Variants in RASGRF2 observed in about 807,000 individuals in gnomAD.
The protein encoded by RASGRF2 is ras-specific guanine nucleotide-releasing factor 2.
A neutral mutation model predicts 151.0 loss-of-function variants in RASGRF2; 76 were observed. The observed-to-expected ratio is 0.50, with a 90% CI of 0.42 to 0.61. The LOEUF (loss-of-function observed/expected upper bound fraction) is 0.61. RASGRF2 is among the 20% of genes least tolerant of loss of function. The pLI is 0.00. For synonymous variants in RASGRF2, 504 were observed against 566.5 expected, an observed-to-expected ratio of 0.89 and a Z score of 1.57; for missense variants, 1,148 against 1,564.6, an observed-to-expected ratio of 0.73 and a Z score of 4.49.
In RASGRF2 at chr5:81,229,775, T is replaced by C. The variant is rs1481098768; in HGVS notation, c.*4005T>C. On this transcript the variant is annotated 3_prime_UTR_variant, in exon 27 of 27. Coordinates refer to ENST00000265080, the MANE Select transcript of RASGRF2 (RefSeq NM_006909.3). ...CTCCAACTGGAAAACCTTAGGCTGGTGTTTACACATCCCTGAGCCTCAGTT... is the reference window on the plus strand; with the variant it reads ...CTCCAACTGGAAAACCTTAGGCTGGCGTTTACACATCCCTGAGCCTCAGTT... The C allele has an allele frequency of 6.6e-6, 1 of 152,254 alleles. No homozygotes were observed. Among genetic ancestry groups the C allele is most frequent in the African/African-American group, 2.4e-5 (1 of 41,458 alleles). The allele number at this position is 152,254 out of a possible 1,614,324, so 9.4% of individuals were successfully genotyped here.
chr5:81,218,359 T>C (rs571032067), intron 25 of RASGRF2, among the ~76,000 whole-genome samples: 1 of 152,350 alleles, frequency 6.6e-6, no homozygotes, highest in South Asian at 2.1e-4. Context: ...TAATCTATCT[T>C]GAGTTGATTT....
intron 1 of RASGRF2, among the ~76,000 whole-genome samples, chr5:81,039,617 G>C (rs1185233186): frequency 1.3e-5 from 2 of 152,020 alleles, no homozygotes; most frequent in Non-Finnish European, 2.9e-5. Flanking sequence ...AAACAATATA[G>C]AGCATATACA....
At chr5:81,084,765 T>C (rs533338586) in intron 7 of RASGRF2, among the ~76,000 whole-genome samples, 22 of 152,326 alleles carry the variant, frequency 1.4e-4, no homozygotes, top group Admixed American at 1.4e-3. Context: ...AAAGCTGTTG[T>C]AGTTTCTTCA....
chr5:81,063,184 G>A (rs1011586002), intron 2 of RASGRF2, among the ~76,000 whole-genome samples: 2 of 152,028 alleles, frequency 1.3e-5, no homozygotes, highest in African/African-American at 2.4e-5. Flanking sequence ...CATTTATCTT[G>A]TCTGGTATTT....
chr5:81,176,425 G>T (rs189633591), intron 17 of RASGRF2, among the ~76,000 whole-genome samples: 1 of 152,152 alleles, frequency 6.6e-6, no homozygotes, highest in East Asian at 1.9e-4. Context: ...CATAATCCGG[G>T]AGAATCTATT....
At chr5:81,170,074 C>T (rs1217757896) in intron 17 of RASGRF2, among the ~76,000 whole-genome samples, 1 of 142,940 alleles carries the variant, frequency 7.0e-6, no homozygotes, top group Non-Finnish European at 1.5e-5. Context: ...TGTTATCATC[C>T]ACACCACCTG....
At chr5:80,968,996 A>G (rs768705895) in intron 1 of RASGRF2, among the ~76,000 whole-genome samples, 43 of 151,912 alleles carry the variant, frequency 2.8e-4, no homozygotes, top group Non-Finnish European at 5.9e-4. Context: ...AATGAATTGC[A>G]TAACCATGAT....
intron 1 of RASGRF2, among the ~76,000 whole-genome samples, chr5:80,970,409 T>A (rs1317730037): frequency 6.6e-6 from 1 of 152,134 alleles, no homozygotes; most frequent in Non-Finnish European, 1.5e-5. Context: ...AGGGGAACAG[T>A]GGGAATATTA....
chr5:81,072,338 G>A (rs1192427808), intron 4 of RASGRF2, among the ~76,000 whole-genome samples: 2 of 152,168 alleles, frequency 1.3e-5, no homozygotes, highest in African/African-American at 2.4e-5. Context: ...ACATGGTGAC[G>A]ACACTGGTAG....
At chr5:81,025,809 A>G (rs1260564108) in intron 1 of RASGRF2, among the ~76,000 whole-genome samples, 1 of 152,170 alleles carries the variant, frequency 6.6e-6, no homozygotes, top group Non-Finnish European at 1.5e-5. Context: ...ACTGGAGGGA[A>G]AGGATCTCCA....
chr5:81,070,457 C>T lies in RASGRF2; in HGVS notation c.544-35C>T, dbSNP rs2112457493. The T allele has an allele frequency of 2.6e-6, 4 of 1,522,976 alleles. No individual in the cohort carries two copies. In the East Asian group the frequency reaches 6.8e-5, roughly 26 times the overall value. 94.3% of individuals were successfully genotyped at this position (1,522,976 alleles called of 1,614,324 possible). On this transcript the variant is annotated intron_variant, in intron 3 of 26. Transcript: ENST00000265080. ...TGTGTATGGCTATAATCCAGCATTT[C>T]CCAAATCATGAAATGGACCAACTTT...
At chr5:81,171,914 T>C (rs1424810889) in intron 17 of RASGRF2, among the ~76,000 whole-genome samples, 2 of 152,194 alleles carry the variant, frequency 1.3e-5, no homozygotes, top group Admixed American at 1.3e-4. Flanking sequence ...ATATTCTTGT[T>C]GCATTTCTAT....
chr5:80,989,644 A>C (rs1748585603), intron 1 of RASGRF2, among the ~76,000 whole-genome samples: 2 of 152,232 alleles, frequency 1.3e-5, no homozygotes, highest in Non-Finnish European at 2.9e-5. Flanking sequence ...TTAGTAAATG[A>C]GATCTGGAAG....
At chr5:81,177,582 A>G (rs954837626) in intron 17 of RASGRF2, among the ~76,000 whole-genome samples, 8 of 150,982 alleles carry the variant, frequency 5.3e-5, no homozygotes, top group African/African-American at 2.0e-4. Context: ...TATGTGCCAG[A>G]CAGGTGCTTG....
chr5:81,210,021 G>A, intron 22 of RASGRF2: 1 of 152,590 alleles, frequency 6.6e-6, no homozygotes, highest in Non-Finnish European at 1.5e-5. Flanking sequence ...TCCCCACCCT[G>A]CCTTCCCCGC....
chr5:81,030,064 T>C (rs1750182730), intron 1 of RASGRF2, among the ~76,000 whole-genome samples: 1 of 151,904 alleles, frequency 6.6e-6, no homozygotes, highest in Non-Finnish European at 1.5e-5. Flanking sequence ...TGATTGAAGA[T>C]CAAATAAATG....
At chr5:81,104,312 T>G (rs1284720543) in intron 12 of RASGRF2, among the ~76,000 whole-genome samples, 3 of 151,998 alleles carry the variant, frequency 2.0e-5, no homozygotes, top group African/African-American at 7.2e-5. Context: ...TAAATAAAAG[T>G]CTATATCTAT....
chr5:81,204,754 G>A (rs723452), intron 19 of RASGRF2, among the ~76,000 whole-genome samples: 1 of 152,178 alleles, frequency 6.6e-6, no homozygotes, highest in Non-Finnish European at 1.5e-5. Flanking sequence ...TCAGGTCATA[G>A]AAAAGTCATC....
At chr5:80,989,217 C>T (rs1057171953) in intron 1 of RASGRF2, among the ~76,000 whole-genome samples, 3 of 152,166 alleles carry the variant, frequency 2.0e-5, no homozygotes, top group East Asian at 3.9e-4. Flanking sequence ...GTGATCCCCC[C>T]GCGTCTGTCT....
Sources: gnomAD v4.1 joint callset for allele counts (sites outside exome capture counted in the v4.1 genomes callset) on GRCh38, gnomAD v4.1.1 for gene constraint, MANE v1.5 for transcripts, NCBI Gene and HGNC (gene_info 2026-07-23, HGNC 2026-07-21) for gene names.